Variants in TNNI3K observed in about 807,000 individuals in gnomAD.
The protein encoded by TNNI3K is TNNI3 interacting kinase.
TNNI3K carries 140 observed loss-of-function variants against 114.5 expected under a neutral mutation model. The ratio of observed to expected loss-of-function variants is 1.22; its 90% CI spans 1.07 to 1.41. TNNI3K has a LOEUF of 1.41. Ranked by LOEUF, TNNI3K falls within the 40% of genes most tolerant of loss-of-function variation. TNNI3K has a pLI of 0.00. For synonymous variants in TNNI3K, 347 were observed against 347.5 expected (o/e 1.00, Z 0.02); for missense variants, 1,125 against 1,007.6 (o/e 1.12, Z -1.58).
chr1:74,382,965 C>T (rs1201097950), intron 17 of TNNI3K, among the ~76,000 whole-genome samples: 1 of 152,092 alleles, frequency 6.6e-6, no homozygotes, highest in African/African-American at 2.4e-5. Flanking sequence ...TAAGCTTTTT[C>T]CTGTCCATGG....
rs147150707 is a variant in TNNI3K, at chr1:74,436,442, C to A, written c.1826-32C>A. On this transcript the variant is annotated intron_variant, in intron 18 of 24. Transcript: ENST00000326637. ...TTTTACCTTGGTTTTAAGATATTTCCTTTGACGTGATTTATTTTCTCTTTC... is the reference window on the plus strand; with the variant it reads ...TTTTACCTTGGTTTTAAGATATTTCATTTGACGTGATTTATTTTCTCTTTC... The A allele has an allele frequency of 3.4e-4, 526 of 1,561,240 alleles. 3 individuals carry two copies. The African/African-American group carries it at 6.6e-3, about 20-fold the overall frequency.
intron 5 of TNNI3K, among the ~76,000 whole-genome samples, chr1:74,274,318 TG>T (rs769183386): frequency 1.3e-5 from 2 of 151,972 alleles, no homozygotes; most frequent in Non-Finnish European, 2.9e-5. Context: ...GGGTAGGTTT[TG>T]CTGTCTCAGG....
At chr1:74,522,244 T>A (rs1323030563) in intron 23 of TNNI3K, among the ~76,000 whole-genome samples, 1 of 152,084 alleles carries the variant, frequency 6.6e-6, no homozygotes, top group Admixed American at 6.6e-5. Context: ...AAGAGAGACA[T>A]TTAGGACAGA....
chr1:74,376,283 CACA>C (rs987507760), intron 17 of TNNI3K, among the ~76,000 whole-genome samples: 6 of 151,862 alleles, frequency 4.0e-5, no homozygotes, highest in African/African-American at 9.7e-5. Context: ...GTAAAAAAAA[CACA>C]ACAATTAAGT....
chr1:74,519,929 A>G (rs1646406518), intron 23 of TNNI3K, among the ~76,000 whole-genome samples: 3 of 152,014 alleles, frequency 2.0e-5, no homozygotes, highest in Non-Finnish European at 4.4e-5. Flanking sequence ...ACTGGACAGC[A>G]TGTTCTTACA....
chr1:74,472,988 T>C (rs1220070493), intron 21 of TNNI3K, among the ~76,000 whole-genome samples: 2 of 152,148 alleles, frequency 1.3e-5, no homozygotes, highest in African/African-American at 4.8e-5. Context: ...CTTTGACTGT[T>C]TGGGGACAGA....
At chr1:74,456,241 T>A (rs1667217826) in intron 20 of TNNI3K, among the ~76,000 whole-genome samples, 1 of 152,030 alleles carries the variant, frequency 6.6e-6, no homozygotes, top group Non-Finnish European at 1.5e-5. Context: ...ACAAGGGAAA[T>A]GAGGAGGTCA....
In TNNI3K at chr1:74,386,703, G is replaced by A. The variant is rs557284040; in HGVS notation, c.1772+16311G>A. 3.7e-4 allele frequency among the ~76,000 whole-genome samples: 56 copies of A among 152,204 alleles called. 1 individual carries two copies. In the South Asian group the frequency reaches 3.7e-3, roughly 10 times the overall value. ...TGAAAAATATTTTCTTTTGTACTCTGATCCAAGGTCAGCTTAGCCCAAATT... is the reference window on the plus strand; with the variant it reads ...TGAAAAATATTTTCTTTTGTACTCTAATCCAAGGTCAGCTTAGCCCAAATT... On this transcript the variant is annotated intron_variant, in intron 17 of 24. Transcript: ENST00000326637.
intron 4 of TNNI3K, among the ~76,000 whole-genome samples, chr1:74,270,604 C>A (rs1448957771): frequency 1.3e-5 from 2 of 151,752 alleles, no homozygotes; most frequent in Admixed American, 6.6e-5. Flanking sequence ...GCAGGTGTGA[C>A]AGCATTAAGA....
At chr1:74,405,557 A>T (rs1664574394) in intron 17 of TNNI3K, among the ~76,000 whole-genome samples, 1 of 152,204 alleles carries the variant, frequency 6.6e-6, no homozygotes, top group Non-Finnish European at 1.5e-5. Flanking sequence ...AACTGTTTAC[A>T]AAATAGCACT....
chr1:74,439,484 G>A lies in TNNI3K; in HGVS notation c.1879-6G>A, dbSNP rs190960161. ...AAATGGCTTGTGGATGTTTCTTGAT[G>A]TGCAGAACCTCCGTTGGATGGCTCC... On this transcript the variant is annotated splice_region_variant and splice_polypyrimidine_tract_variant and intron_variant, in intron 19 of 24. Coordinates refer to ENST00000326637, the MANE Select transcript of TNNI3K (RefSeq NM_015978.3). 152 of 1,611,256 alleles carry A rather than the reference G, an allele frequency of 9.4e-5. No individual in the cohort carries two copies. In the East Asian group the frequency reaches 3.1e-3, roughly 33 times the overall value.
chr1:74,544,077 T>C lies in TNNI3K; in HGVS notation c.*95T>C. ...CTGGCTTCCAACTATAACATTTTAC[T>C]CTCAAAGGTCTCCTTAAATTGGGCT... On this transcript the variant is annotated 3_prime_UTR_variant, in exon 25 of 25. Coordinates refer to ENST00000326637, the MANE Select transcript of TNNI3K (RefSeq NM_015978.3). 2 of 1,322,040 alleles carry C rather than the reference T, an allele frequency of 1.5e-6. No individual in the cohort carries two copies. The highest frequency in any genetic ancestry group is 2.1e-6 in the Non-Finnish European group (2 of 966,712). 81.9% of individuals were successfully genotyped at this position (1,322,040 alleles called of 1,614,324 possible). A position where few individuals can be genotyped will look rare whatever the true frequency, so the allele number is the denominator to read the frequency against.
intron 21 of TNNI3K, among the ~76,000 whole-genome samples, chr1:74,479,046 A>G (rs979374955): frequency 7.9e-5 from 12 of 152,304 alleles, no homozygotes; most frequent in Non-Finnish European, 1.3e-4. Context: ...AGGAAGTAAA[A>G]ATACAATCAA....
Position 74,367,920 on chromosome 1 carries a change from T to C in TNNI3K, c.1277T>C (p.Val426Ala). ...ATTTAATTTCTAGATGGCTCCTATGTGTCTGTTCCATCACCCTTGGGGAAG... is the reference window on the plus strand; with the variant it reads ...ATTTAATTTCTAGATGGCTCCTATGCGTCTGTTCCATCACCCTTGGGGAAG... ...YSQPGGDGSY[V>A]SVPSPLGKIK... The change falls in exon 13 of 25, where the codon GTG becomes GCG. Residue 426 changes from valine to alanine, a missense_variant. By Grantham distance (64) the Val-to-Ala change is moderately conservative. Coordinates refer to ENST00000326637, the MANE Select transcript of TNNI3K (RefSeq NM_015978.3). 1 of 1,577,794 alleles carries C rather than the reference T, an allele frequency of 6.3e-7. No individual in the cohort carries two copies. The highest frequency in any genetic ancestry group is 8.6e-7 in the Non-Finnish European group (1 of 1,166,646).
At chr1:74,370,566 A>T (rs1311103691) in intron 17 of TNNI3K, 174 bp downstream of exon 17, 1 of 437,514 alleles carries the variant, frequency 2.3e-6, no homozygotes, top group Non-Finnish European at 4.0e-6. Context: ...TTTAAGGAGT[A>T]GAAAGCTGTA....
Position 74,336,017 on chromosome 1 carries a change from C to G in TNNI3K, c.550C>G (p.Arg184Gly), listed in dbSNP as rs200491742. The G allele has an allele frequency of 6.4e-7, 1 of 1,570,324 alleles. No individual in the cohort carries two copies. The highest frequency in any genetic ancestry group is 8.6e-7 in the Non-Finnish European group (1 of 1,166,656). ...AAATGAATAAATCCTTTAGGTAACTCGCCTTCTTTTGAAATTTGGTGCTGA... is the reference window on the plus strand; with the variant it reads ...AAATGAATAAATCCTTTAGGTAACTGGCCTTCTTTTGAAATTTGGTGCTGA... ...AAYYGHEQVT[R>G]LLLKFGADVN... Residue 184 changes from arginine to glycine, a missense_variant, in exon 7 of 25, where the codon CGC becomes GGC. Coordinates refer to ENST00000326637, the MANE Select transcript of TNNI3K (RefSeq NM_015978.3).
At chr1:74,308,539 T>C (rs1234845820) in intron 5 of TNNI3K, among the ~76,000 whole-genome samples, 1 of 152,136 alleles carries the variant, frequency 6.6e-6, no homozygotes, top group Non-Finnish European at 1.5e-5. Context: ...TACTGGTAAA[T>C]GCCTACATCA....
chr1:74,466,058 G>A (rs1667666423), intron 21 of TNNI3K, among the ~76,000 whole-genome samples: 1 of 152,120 alleles, frequency 6.6e-6, no homozygotes, highest in Admixed American at 6.5e-5. Context: ...GACCCCGAAG[G>A]TCTGCAGCTT....
At chr1:74,506,280 T>G (rs1669897362) in intron 23 of TNNI3K, among the ~76,000 whole-genome samples, 1 of 152,232 alleles carries the variant, frequency 6.6e-6, no homozygotes, top group Non-Finnish European at 1.5e-5. Flanking sequence ...TAGCACAGAC[T>G]TATTACAACT....
Sources: gnomAD v4.1 joint callset for allele counts (sites outside exome capture counted in the v4.1 genomes callset) on GRCh38, gnomAD v4.1.1 for gene constraint, MANE v1.5 for transcripts, NCBI Gene and HGNC (gene_info 2026-07-23, HGNC 2026-07-21) for gene names.